The following IL1RL2 variants were observed in gnomAD, a reference collection of about 807,000 sequenced individuals.
IL1RL2 encodes interleukin 1 receptor like 2, also known as interleukin-1 receptor-like 2.
In IL1RL2, 68 loss-of-function variants were observed where a neutral mutation model predicts 66.8. The ratio of observed to expected loss-of-function variants is 1.02; its 90% CI spans 0.84 to 1.25. The LOEUF (loss-of-function observed/expected upper bound fraction) is 1.25. Ranked by LOEUF, IL1RL2 falls within the 50% of genes most tolerant of loss-of-function variation. The probability of loss-of-function intolerance (pLI) is 0.00; values close to 1 mark genes in which losing one functional copy is unlikely to be tolerated. For synonymous variants in IL1RL2, 305 were observed against 264.6 expected (o/e 1.15, Z -1.48); for missense variants, 729 against 709.3 (o/e 1.03, Z -0.32).
downstream of IL1RL2, among the ~76,000 whole-genome samples, chr2:102,240,842 C>T (rs908549544): frequency 2.0e-5 from 3 of 152,250 alleles, no homozygotes; most frequent in African/African-American, 7.2e-5. Context: ...AATTTCCTGC[C>T]TGTGTAAAAG....
intron 4 of IL1RL2, among the ~76,000 whole-genome samples, chr2:102,199,583 A>G (rs1688060327): frequency 6.6e-6 from 1 of 152,262 alleles, no homozygotes; most frequent in Non-Finnish European, 1.5e-5. Flanking sequence ...TTAAATTTAA[A>G]TCCAAGCTCA....
intron 5 of IL1RL2, among the ~76,000 whole-genome samples, chr2:102,202,406 T>C (rs1688341732): frequency 6.6e-6 from 1 of 151,414 alleles, no homozygotes; most frequent in South Asian, 2.1e-4. Flanking sequence ...TAATAATGGG[T>C]ATATGATATA....
Position 102,201,556 on chromosome 2 carries a change from G to T in IL1RL2, c.490G>T (p.Asp164Tyr). 1 of 1,613,840 alleles carries T rather than the reference G, an allele frequency of 6.2e-7. No individual in the cohort carries two copies. The highest frequency in any genetic ancestry group is 8.5e-7 in the Non-Finnish European group (1 of 1,179,820). ...CVLGPIKWYK[D>Y]CNEIKGERFT... Reference sequence around the variant, plus strand: ...TGAATTTTGTTTTTATTTGTATTAGGACTGTAACGAGATTAAAGGGGAGCG... The same window carrying T: ...TGAATTTTGTTTTTATTTGTATTAGTACTGTAACGAGATTAAAGGGGAGCG... Residue 164 changes from aspartate to tyrosine, a missense_variant and splice_region_variant, in exon 5 of 12, where the codon GAC (aspartate) becomes TAC (tyrosine). Physicochemically the swap from Asp to Tyr is radical, Grantham distance 160. Coordinates refer to ENST00000264257, the MANE Select transcript of IL1RL2 (RefSeq NM_003854.4).
chr2:102,208,377 C>T (rs1229948311), intron 5 of IL1RL2, among the ~76,000 whole-genome samples: 3 of 152,204 alleles, frequency 2.0e-5, no homozygotes, highest in South Asian at 2.1e-4. Context: ...GGTCACAAAC[C>T]TGGTTATTGT....
At chr2:102,202,848 T>C (rs1475632620) in intron 5 of IL1RL2, among the ~76,000 whole-genome samples, 1 of 152,224 alleles carries the variant, frequency 6.6e-6, no homozygotes, top group Non-Finnish European at 1.5e-5. Context: ...GAATTCTTCT[T>C]TTCTAATTTG....
intron 8 of IL1RL2, 116 bp from the exon 9 acceptor site, chr2:102,225,782 C>T (rs1247323537): frequency 7.8e-6 from 6 of 773,580 alleles, no homozygotes; most frequent in Non-Finnish European, 9.1e-6. Context: ...TCATTGACAT[C>T]CAAAACCTTT....
intron 8 of IL1RL2, among the ~76,000 whole-genome samples, chr2:102,221,850 G>A (rs962757738): frequency 2.0e-5 from 3 of 152,118 alleles, no homozygotes; most frequent in Non-Finnish European, 2.9e-5. Flanking sequence ...CTTTTTTATT[G>A]TGGAATATAA....
At chr2:102,233,261 C>A (rs1691307424) in intron 10 of IL1RL2, 137 bp downstream of exon 10, 2 of 807,970 alleles carry the variant, frequency 2.5e-6, no homozygotes, top group Non-Finnish European at 3.8e-6. Flanking sequence ...GCGCCCCCTG[C>A]CCGTCAGCCC....
intron 10 of IL1RL2, among the ~76,000 whole-genome samples, chr2:102,234,018 T>C (rs902185878): frequency 1.3e-5 from 2 of 152,092 alleles, no homozygotes; most frequent in African/African-American, 2.4e-5. Context: ...TCTATTCTTA[T>C]TTCCCATGAG....
chr2:102,222,116 G>T (rs547372341), intron 8 of IL1RL2, among the ~76,000 whole-genome samples: 1 of 152,160 alleles, frequency 6.6e-6, no homozygotes, highest in South Asian at 2.1e-4. Flanking sequence ...ATTTTTGCCT[G>T]TTTTTGAGTT....
At chr2:102,193,733 G>T (rs776336973) in intron 4 of IL1RL2, among the ~76,000 whole-genome samples, 1 of 152,060 alleles carries the variant, frequency 6.6e-6, no homozygotes, top group Non-Finnish European at 1.5e-5. Flanking sequence ...CAGTTTGGTG[G>T]GTATAAAATG....
intron 1 of IL1RL2, chr2:102,187,449 TGCGCCGCGA>T: frequency 9.8e-7 from 1 of 1,019,766 alleles, no homozygotes; most frequent in Non-Finnish European, 1.2e-6. Flanking sequence ...GGAGGCTCCG[TGCGCCGCGA>T]GCGGGGTTGG....
chr2:102,220,024 C>A lies in IL1RL2; in HGVS notation c.991+7C>A. On this transcript the variant is annotated splice_region_variant and intron_variant, in intron 8 of 11. Transcript: ENST00000264257. ...ATTATATTACAGCTCCCAGGTAATA[C>A]TCCAGTGGGTTACACACTGTTCAGA... 2 of 1,607,910 alleles carry A rather than the reference C, an allele frequency of 1.2e-6. No homozygotes were observed. The highest frequency in any genetic ancestry group is 1.7e-6 in the Non-Finnish European group (2 of 1,174,996).
chr2:102,187,240 G>C (rs112670053), intron 1 of IL1RL2, 154 bp downstream of exon 1: 3 of 1,192,578 alleles, frequency 2.5e-6, no homozygotes, highest in Non-Finnish European at 3.2e-6. Flanking sequence ...GGTGACCATG[G>C]GGGAGCCGAC....
In IL1RL2 at chr2:102,197,146, G is replaced by A. The variant is rs181377475; in HGVS notation, c.490-4410G>A. On this transcript the variant is annotated intron_variant, in intron 4 of 11. Transcript: ENST00000264257. The stretch of plus-strand genomic sequence containing the variant: ...TATGGGGAAAATTTGAAAGAGTAAT[G>A]TAAGTAAATAGATGGAGATGTAATG... Among the ~76,000 whole-genome samples, 102 of 152,304 alleles carry A rather than the reference G, an allele frequency of 6.7e-4. 2 individuals are homozygous for A. Among genetic ancestry groups the A allele is most frequent in the East Asian group, 3.9e-4 (2 of 5,176 alleles).
At chr2:102,240,326 G>A (rs1675192971), downstream of IL1RL2, among the ~76,000 whole-genome samples, 1 of 139,982 alleles carries the variant, frequency 7.1e-6, no homozygotes, top group African/African-American at 2.7e-5. Context: ...CATCCTCTCT[G>A]ATGGCCTCAT....
intron 4 of IL1RL2, among the ~76,000 whole-genome samples, chr2:102,199,711 A>G (rs1688075573): frequency 6.6e-6 from 1 of 152,228 alleles, no homozygotes; most frequent in Non-Finnish European, 1.5e-5. Context: ...TGATTAAAAT[A>G]TGTATATCTT....
chr2:102,218,887 A>G, intron 6 of IL1RL2, 66 bp from the exon 7 acceptor site: 1 of 1,407,708 alleles, frequency 7.1e-7, no homozygotes, highest in Non-Finnish European at 1.0e-6. Flanking sequence ...CTTGTAATCC[A>G]GATGTTAACA....
chr2:102,217,267 A>C (rs1395979586), intron 6 of IL1RL2, among the ~76,000 whole-genome samples: 8 of 152,152 alleles, frequency 5.3e-5, no homozygotes, highest in African/African-American at 1.7e-4. Context: ...ATTTTTGTTC[A>C]GCACTGAATA....
Sources: allele counts gnomAD v4.1 joint callset (sites outside exome capture counted in the v4.1 genomes callset), GRCh38; gene constraint gnomAD v4.1.1; transcripts MANE v1.5; gene names NCBI Gene and HGNC (gene_info 2026-07-23, HGNC 2026-07-21).